MSRA: variants seen among roughly 807,000 people sequenced by gnomAD.
MSRA encodes methionine sulfoxide reductase A, also known as mitochondrial peptide methionine sulfoxide reductase.
Under a neutral mutation model 31.3 loss-of-function variants are expected in MSRA, and 54 were observed. The observed-to-expected ratio is 1.73, with a 90% CI of 1.39 to 2.17. The LOEUF (loss-of-function observed/expected upper bound fraction) is 2.17, where lower values mean the gene tolerates loss of function less well. MSRA is among the 30% of genes most tolerant of loss of function. The pLI is 0.00. For missense variants in MSRA, 507 were observed against 300.9 expected (o/e 1.69, Z -5.07); for synonymous variants, 169 against 116.5 (o/e 1.45, Z -2.90).
chr8:10,392,248 A>C (rs1433673148), intron 5 of MSRA, among the ~76,000 whole-genome samples: 1 of 152,218 alleles, frequency 6.6e-6, no homozygotes, highest in African/African-American at 2.4e-5. Flanking sequence ...CTCCTCTCTT[A>C]AATTTTAAGA....
At chr8:10,411,898 A>G (rs2129189171) in intron 5 of MSRA, among the ~76,000 whole-genome samples, 1 of 152,250 alleles carries the variant, frequency 6.6e-6, no homozygotes, top group South Asian at 2.1e-4. Context: ...GGGGTGGCGA[A>G]CAGCCCTGTT....
At chr8:10,300,745 C>T (rs1469632907) in intron 3 of MSRA, among the ~76,000 whole-genome samples, 3 of 152,146 alleles carry the variant, frequency 2.0e-5, no homozygotes, top group African/African-American at 7.2e-5. Flanking sequence ...TTTATATAGC[C>T]TAGTGATCTT....
At chr8:10,202,551 C>G (rs777614264) in intron 1 of MSRA, among the ~76,000 whole-genome samples, 2 of 152,176 alleles carry the variant, frequency 1.3e-5, no homozygotes, top group Non-Finnish European at 2.9e-5. Flanking sequence ...AGCGATGAGA[C>G]TCTATGGGTA....
chr8:10,380,026 C>A (rs868793449), intron 5 of MSRA, among the ~76,000 whole-genome samples: 1 of 152,182 alleles, frequency 6.6e-6, no homozygotes, highest in African/African-American at 2.4e-5. Context: ...CAATCAACAA[C>A]AGAAAGTTCT....
chr8:10,117,195 C>G (rs1038596457), intron 1 of MSRA, among the ~76,000 whole-genome samples: 1 of 152,094 alleles, frequency 6.6e-6, no homozygotes, highest in African/African-American at 2.4e-5. Context: ...AGTAGGCATG[C>G]CTACTTTGTT....
intron 2 of MSRA, among the ~76,000 whole-genome samples, chr8:10,230,552 C>A (rs1297039089): frequency 6.6e-6 from 1 of 152,086 alleles, no homozygotes; most frequent in African/African-American, 2.4e-5. Flanking sequence ...CAAAAGAAAA[C>A]CAGAGGCAAC....
At chr8:10,121,915 A>G (rs2129018354) in intron 1 of MSRA, among the ~76,000 whole-genome samples, 1 of 151,728 alleles carries the variant, frequency 6.6e-6, no homozygotes, top group East Asian at 1.9e-4. Context: ...TCTTGGCCTC[A>G]AGTGATCCTC....
At position 10,325,241 on chromosome 8, in the gene MSRA, C is replaced by T. The variant is rs535903376; in HGVS notation, c.543+5252C>T. ...CTCTGATAGAGGTGAGAAAGAAAAA[C>T]ACAGTTCAATTTTAGCAGAGTGCAT... On this transcript the variant is annotated intron_variant, in intron 5 of 5. Coordinates refer to ENST00000317173, the MANE Select transcript of MSRA (RefSeq NM_012331.5). Among the ~76,000 whole-genome samples the T allele has an allele frequency of 1.1e-3, 160 of 152,262 alleles. 1 individual carries two copies. Among genetic ancestry groups the T allele is most frequent in the South Asian group, 4.3e-3 (21 of 4,828 alleles).
chr8:10,417,253 G>C (rs537879000), intron 5 of MSRA, among the ~76,000 whole-genome samples: 1 of 152,098 alleles, frequency 6.6e-6, no homozygotes, highest in Admixed American at 6.5e-5. Flanking sequence ...CTTTGAACGC[G>C]CTCCTTGTCA....
intron 5 of MSRA, among the ~76,000 whole-genome samples, chr8:10,414,374 C>T (rs28582011): frequency 0.023 from 3,565 of 152,202 alleles, 131 homozygotes; most frequent in African/African-American, 0.08. Flanking sequence ...ACAAACTATC[C>T]AGTGCTTCTT....
At position 10,168,360 on chromosome 8, in the gene MSRA, G is replaced by C. The variant is rs774749218; in HGVS notation, c.143-39473G>C. Among the ~76,000 whole-genome samples, 90 of 152,002 alleles carry C rather than the reference G, an allele frequency of 5.9e-4. 1 individual carries two copies. The highest frequency in any genetic ancestry group is 1.0e-3 in the Non-Finnish European group (68 of 68,010). ...CTGTATTATCCTGGTCTTCCACGTCGCTGGTGTGCTATCATCCCTGGCCAA... is the reference window on the plus strand; with the variant it reads ...CTGTATTATCCTGGTCTTCCACGTCCCTGGTGTGCTATCATCCCTGGCCAA... On this transcript the variant is annotated intron_variant, in intron 1 of 5. Transcript: ENST00000317173.
Position 10,323,745 on chromosome 8 carries a change from C to CGTGTGTGTGTGTGTGTGTGTGT in MSRA, c.543+3765_543+3786dup, listed in dbSNP as rs10643873. Among the ~76,000 whole-genome samples the CGTGTGTGTGTGTGTGTGTGTGT allele has an allele frequency of 5.1e-3, 733 of 142,666 alleles. 16 individuals carry two copies. Among genetic ancestry groups the CGTGTGTGTGTGTGTGTGTGTGT allele is most frequent in the Non-Finnish European group, 7.3e-3 (480 of 65,356 alleles). The allele number at this position is 142,666 out of a possible 152,430, so 93.6% of individuals were successfully genotyped here. A position where few individuals can be genotyped will look rare whatever the true frequency, so the allele number is the denominator to read the frequency against. On this transcript the variant is annotated intron_variant, in intron 5 of 5. Coordinates refer to ENST00000317173, the MANE Select transcript of MSRA (RefSeq NM_012331.5). ...AACCCAAGCACATGGGAATTAAATACGTGTGTGTGTGTGTGTGTGTGTGTG... is the reference window on the plus strand; with the variant it reads ...AACCCAAGCACATGGGAATTAAATACGTGTGTGTGTGTGTGTGTGTGTGTGTGTGTGTGTGTGTGTGTGTGTG...
chr8:10,358,146 C>T (rs762093916), intron 5 of MSRA, among the ~76,000 whole-genome samples: 1 of 152,160 alleles, frequency 6.6e-6, no homozygotes, highest in Non-Finnish European at 1.5e-5. Context: ...CCAGGCTGGT[C>T]TCAAATTCCT....
intron 3 of MSRA, among the ~76,000 whole-genome samples, chr8:10,291,546 T>G (rs1040296960): frequency 1.3e-5 from 2 of 152,136 alleles, no homozygotes; most frequent in African/African-American, 4.8e-5. Flanking sequence ...GGAAATCACA[T>G]TTTCTATCCG....
intron 3 of MSRA, among the ~76,000 whole-genome samples, chr8:10,293,266 A>G (rs1336838932): frequency 6.6e-6 from 1 of 152,164 alleles, no homozygotes; most frequent in African/African-American, 2.4e-5. Context: ...AGCAGCTCCC[A>G]TGGTGGCCAG....
chr8:10,331,812 C>T (rs911685909), intron 5 of MSRA, among the ~76,000 whole-genome samples: 6 of 152,218 alleles, frequency 3.9e-5, no homozygotes, highest in Non-Finnish European at 8.8e-5. Flanking sequence ...ATACCTAATA[C>T]AATGCACATA....
At chr8:10,319,142 C>G (rs1374511594) in intron 4 of MSRA, among the ~76,000 whole-genome samples, 1 of 152,206 alleles carries the variant, frequency 6.6e-6, no homozygotes, top group Non-Finnish European at 1.5e-5. Context: ...CTGCTGGTCT[C>G]TGTTTCCCCT....
intron 4 of MSRA, among the ~76,000 whole-genome samples, chr8:10,308,385 C>G (rs1411200230): frequency 6.6e-6 from 1 of 152,176 alleles, no homozygotes; most frequent in Non-Finnish European, 1.5e-5. Context: ...ACCAGATCGG[C>G]CCGGCACTCG....
At chr8:10,232,491 G>A (rs185267780) in intron 2 of MSRA, among the ~76,000 whole-genome samples, 21 of 152,334 alleles carry the variant, frequency 1.4e-4, no homozygotes, top group African/African-American at 5.0e-4. Flanking sequence ...CCTTTCATGA[G>A]TGCGGAAGAT....
Sources: gnomAD v4.1 joint callset for allele counts (sites outside exome capture counted in the v4.1 genomes callset) on GRCh38, gnomAD v4.1.1 for gene constraint, MANE v1.5 for transcripts, NCBI Gene and HGNC (gene_info 2026-07-23, HGNC 2026-07-21) for gene names.